The following PCDHA6 variants were observed in gnomAD, a reference collection of about 807,000 sequenced individuals.
The protein encoded by PCDHA6 is protocadherin alpha-6.
PCDHA6 carries 55 observed loss-of-function variants against 60.3 expected under a neutral mutation model. The ratio of observed to expected loss-of-function variants is 0.91; its 90% CI spans 0.73 to 1.14. PCDHA6 has a LOEUF of 1.14. PCDHA6 is among the 50% of genes most tolerant of loss of function. The pLI is 0.00. For synonymous variants in PCDHA6, 652 were observed against 557.9 expected (o/e 1.17, Z -2.38); for missense variants, 1,327 against 1,256.5 (o/e 1.06, Z -0.85).
In PCDHA6 at chr5:140,921,062, C is replaced by T. The variant is rs377176575; in HGVS notation, c.2395-57887C>T. 1.3e-4 allele frequency among the ~76,000 whole-genome samples: 20 copies of T among 151,872 alleles called. No homozygotes were observed. The South Asian group carries it at 4.2e-3, about 32-fold the overall frequency. The stretch of plus-strand genomic sequence containing the variant: ...TGGGGCAATCATAGCTCACTCTAAC[C>T]TTGAACTCTTGGGCTCAAGAGAATC... On this transcript the variant is annotated intron_variant, in intron 1 of 3. Coordinates refer to ENST00000529310, the MANE Select transcript of PCDHA6 (RefSeq NM_018909.4).
intron 1 of PCDHA6, among the ~76,000 whole-genome samples, chr5:140,891,445 G>T (rs1036846382): frequency 6.7e-6 from 1 of 148,520 alleles, no homozygotes; most frequent in Non-Finnish European, 1.5e-5. Context: ...CCATTGTATA[G>T]GATTTTTGAA....
At chr5:140,881,325 A>G in intron 1 of PCDHA6, 4 of 984,454 alleles carry the variant, frequency 4.1e-6, no homozygotes, top group Non-Finnish European at 4.8e-6. Flanking sequence ...ATTCTATTTA[A>G]CCAGGACGCC....
intron 3 of PCDHA6, among the ~76,000 whole-genome samples, chr5:140,993,629 T>G (rs1359195159): frequency 5.9e-5 from 9 of 152,160 alleles, no homozygotes; most frequent in Non-Finnish European, 1.0e-4. Flanking sequence ...CTATATATAG[T>G]CGTGTACCAA....
At chr5:140,842,917 G>A in intron 1 of PCDHA6, 1 of 1,594,694 alleles carries the variant, frequency 6.3e-7, no homozygotes, top group Non-Finnish European at 8.6e-7. Flanking sequence ...AGCTGCTGCA[G>A]TTCCAGGTGA....
chr5:140,829,818 C>A lies in PCDHA6; in HGVS notation c.1727C>A (p.Ala576Glu), dbSNP rs1554132278. 6.2e-7 allele frequency: 1 copy of A among 1,613,864 alleles called. No individual in the cohort carries two copies. The highest frequency in any genetic ancestry group is 8.5e-7 in the Non-Finnish European group (1 of 1,179,872). Residue 576 changes from alanine (A) to glutamate (E), a missense_variant, in exon 1 of 4, where the codon GCA becomes GAA. Coordinates refer to ENST00000529310, the MANE Select transcript of PCDHA6 (RefSeq NM_018909.4). ...CCTCGGGTGGGTGGTACTGGTGGTG[C>A]AGTGAGCGAGCTGGTGCCGCGGTCA... ...LAPRVGGTGGAVSELVPRSLG... is the reference protein window; with the variant it reads ...LAPRVGGTGGEVSELVPRSLG...
intron 1 of PCDHA6, chr5:140,850,027 A>G (rs2150464152): frequency 2.5e-6 from 4 of 1,596,758 alleles, no homozygotes; most frequent in Non-Finnish European, 3.4e-6. Context: ...GTGTCAGTGC[A>G]CGCGGAGAGC....
chr5:140,867,042 G>T lies in PCDHA6; in HGVS notation c.2394+36557G>T, dbSNP rs782113838. Reference sequence around the variant, plus strand: ...ATATCAAACTCTTTTATGACTTGGCGTTTGTTCAGTACTACTTTATATATT... The same window carrying T: ...ATATCAAACTCTTTTATGACTTGGCTTTTGTTCAGTACTACTTTATATATT... On this transcript the variant is annotated intron_variant, in intron 1 of 3. Transcript: ENST00000529310. The T allele has an allele frequency of 4.6e-5, 7 of 152,202 alleles. 1 individual carries two copies. Among genetic ancestry groups the T allele is most frequent in the African/African-American group, 1.7e-4 (7 of 41,564 alleles). 9.4% of individuals were successfully genotyped at this position (152,202 alleles called of 1,614,324 possible). A position where few individuals can be genotyped will look rare whatever the true frequency, so the allele number is the denominator to read the frequency against.
chr5:140,838,683 C>T (rs1775834652), intron 1 of PCDHA6, among the ~76,000 whole-genome samples: 2 of 151,884 alleles, frequency 1.3e-5, no homozygotes, highest in Admixed American at 1.3e-4. Flanking sequence ...CACCTTTAAC[C>T]CCAACATTTC....
intron 1 of PCDHA6, among the ~76,000 whole-genome samples, chr5:140,932,458 G>T (rs1316450984): frequency 6.6e-6 from 1 of 151,710 alleles, no homozygotes; most frequent in African/African-American, 2.4e-5. Flanking sequence ...TTTTGCCAGG[G>T]TATATAGGAA....
intron 1 of PCDHA6, chr5:140,856,894 T>C (rs1389376451): frequency 6.3e-7 from 1 of 1,596,592 alleles, no homozygotes; most frequent in Non-Finnish European, 8.6e-7. Context: ...CATTTAGCTC[T>C]TTGGTCCCAC....
intron 1 of PCDHA6, chr5:140,926,634 T>C (rs2083423230): frequency 6.8e-6 from 3 of 438,778 alleles, no homozygotes; most frequent in Non-Finnish European, 1.2e-5. Context: ...GCTGCGCTCC[T>C]CAACACCCGG....
Position 140,986,130 on chromosome 5 carries a change from G to T in PCDHA6, c.2542+3567G>T, listed in dbSNP as rs150350316. ...AGATAAAGATGCCACACTCTGAAAGGATCAACAAGGGCATCACCAAGTAAT... is the reference window on the plus strand; with the variant it reads ...AGATAAAGATGCCACACTCTGAAAGTATCAACAAGGGCATCACCAAGTAAT... On this transcript the variant is annotated intron_variant, in intron 3 of 3. Coordinates refer to ENST00000529310, the MANE Select transcript of PCDHA6 (RefSeq NM_018909.4). 8.5e-5 allele frequency among the ~76,000 whole-genome samples: 13 copies of T among 152,216 alleles called. 1 individual carries two copies. The East Asian group carries it at 2.5e-3, about 29-fold the overall frequency.
chr5:140,842,903 C>A lies in PCDHA6; in HGVS notation c.2394+12418C>A. The A allele has an allele frequency of 2.5e-6, 4 of 1,594,400 alleles. 1 individual carries two copies. The South Asian group carries it at 4.4e-5, about 18-fold the overall frequency. On this transcript the variant is annotated intron_variant, in intron 1 of 3. Transcript: ENST00000529310. Reference sequence around the variant, plus strand: ...GCTGCAGCCGCTGGACCACGAGGAGCTAGAGCTGCTGCAGTTCCAGGTGAG... The same window carrying A: ...GCTGCAGCCGCTGGACCACGAGGAGATAGAGCTGCTGCAGTTCCAGGTGAG...
At chr5:141,006,222 T>C (rs1463720721) in intron 3 of PCDHA6, among the ~76,000 whole-genome samples, 1 of 152,098 alleles carries the variant, frequency 6.6e-6, no homozygotes, top group Non-Finnish European at 1.5e-5. Flanking sequence ...TTTTAAATTT[T>C]TTATTTTTAG....
intron 1 of PCDHA6, chr5:140,850,407 G>A (rs2150482736): frequency 6.3e-7 from 1 of 1,597,938 alleles, no homozygotes; most frequent in Admixed American, 1.7e-5. Flanking sequence ...GCGTGCCCTG[G>A]ACGAAACGGA....
At chr5:140,851,471 A>G in intron 1 of PCDHA6, 5 of 893,550 alleles carry the variant, frequency 5.6e-6, no homozygotes, top group Non-Finnish European at 6.8e-6. Context: ...ATGTCAATAA[A>G]TGTTATAAAC....
intron 1 of PCDHA6, among the ~76,000 whole-genome samples, chr5:140,896,543 T>C (rs2065615880): frequency 6.6e-6 from 1 of 151,466 alleles, no homozygotes; most frequent in Non-Finnish European, 1.5e-5. Flanking sequence ...TTTCTTTTTT[T>C]TTTTTGTATT....
intron 1 of PCDHA6, among the ~76,000 whole-genome samples, chr5:140,911,118 G>A (rs11955654): frequency 0.019 from 2,929 of 152,274 alleles, 39 homozygotes; most frequent in East Asian, 0.055. Flanking sequence ...AGCCATCACT[G>A]TTGCCTCAGG....
intron 1 of PCDHA6, chr5:140,968,151 T>C: frequency 6.2e-7 from 1 of 1,614,134 alleles, no homozygotes; most frequent in Non-Finnish European, 8.5e-7. Flanking sequence ...ATCTCTGACA[T>C]CAATGACAAT....
Sources: allele counts gnomAD v4.1 joint callset (sites outside exome capture counted in the v4.1 genomes callset), GRCh38; gene constraint gnomAD v4.1.1; transcripts MANE v1.5; gene names NCBI Gene and HGNC (gene_info 2026-07-23, HGNC 2026-07-21).